The following WSCD2 variants were observed in gnomAD, a reference collection of about 807,000 sequenced individuals.
WSCD2 encodes the protein WSC domain sialate O sulfotransferase 2.
Under a neutral mutation model 55.7 loss-of-function variants are expected in WSCD2, and 28 were observed. The ratio of observed to expected loss-of-function variants is 0.50; its 90% CI spans 0.37 to 0.69. WSCD2 has a LOEUF of 0.69. Among genes scored for constraint, WSCD2 ranks in the 30% least tolerant of loss-of-function variants. The pLI is 0.00. For missense variants in WSCD2, 616 were observed against 762.1 expected (o/e 0.81, Z 2.26); for synonymous variants, 301 against 301.9 (o/e 1.00, Z 0.03).
chr12:108,227,229 T>C (rs1035460540), intron 6 of WSCD2, 65 bp downstream of exon 6: 132 of 1,541,184 alleles, frequency 8.6e-5, no homozygotes, highest in East Asian at 1.1e-4. Context: ...CCAGACGTGT[T>C]CCTGCCAGTC....
intron 1 of WSCD2, among the ~76,000 whole-genome samples, chr12:108,144,784 C>A (rs1473283350): frequency 6.6e-6 from 1 of 152,162 alleles, no homozygotes; most frequent in African/African-American, 2.4e-5. Context: ...AGGCCCTTTC[C>A]CAGCACAGCC....
In WSCD2 at chr12:108,203,623, C is replaced by T. The variant is rs116279674; in HGVS notation, c.383-2666C>T. On this transcript the variant is annotated intron_variant, in intron 2 of 8. Coordinates refer to ENST00000547525, the MANE Select transcript of WSCD2 (RefSeq NM_014653.4). Reference sequence around the variant, plus strand: ...AAGGCACAAACAGTCCACTACAGTCCACCCCTTCACTCCATGATGGACACG... The same window carrying T: ...AAGGCACAAACAGTCCACTACAGTCTACCCCTTCACTCCATGATGGACACG... 8.0e-3 allele frequency among the ~76,000 whole-genome samples: 1,214 copies of T among 152,298 alleles called. 15 individuals carry two copies. Among genetic ancestry groups the T allele is most frequent in the African/African-American group, 0.028 (1,173 of 41,560 alleles).
At chr12:108,133,635 G>A (rs892983875) in intron 1 of WSCD2, among the ~76,000 whole-genome samples, 2 of 152,180 alleles carry the variant, frequency 1.3e-5, no homozygotes, top group African/African-American at 4.8e-5. Context: ...TGCACCTTCC[G>A]AGTGTTGATT....
intron 4 of WSCD2, among the ~76,000 whole-genome samples, chr12:108,213,774 C>T (rs1565972774): frequency 6.6e-6 from 1 of 152,202 alleles, no homozygotes; most frequent in Non-Finnish European, 1.5e-5. Context: ...TGACCATGGG[C>T]TTGAACCCAG....
At chr12:108,232,377 A>G (rs1343899791) in intron 6 of WSCD2, among the ~76,000 whole-genome samples, 1 of 152,134 alleles carries the variant, frequency 6.6e-6, no homozygotes, top group African/African-American at 2.4e-5. Context: ...AGGAAAGGGT[A>G]GGGGTGAATG....
intron 8 of WSCD2, among the ~76,000 whole-genome samples, chr12:108,242,904 C>T (rs1265350643): frequency 6.6e-6 from 1 of 152,230 alleles, no homozygotes; most frequent in Non-Finnish European, 1.5e-5. Flanking sequence ...ATCCACCACA[C>T]TCATCTCATA....
chr12:108,156,414 A>G (rs970196712), intron 1 of WSCD2, among the ~76,000 whole-genome samples: 1 of 152,188 alleles, frequency 6.6e-6, no homozygotes, highest in Non-Finnish European at 1.5e-5. Flanking sequence ...AAGAATATCC[A>G]TGTACTGGCT....
intron 2 of WSCD2, 55 bp downstream of exon 2, chr12:108,196,269 T>C: frequency 2.0e-6 from 3 of 1,516,882 alleles, no homozygotes; most frequent in Non-Finnish European, 2.6e-6. Context: ...GAGGAGATAC[T>C]AACAATGTAA....
chr12:108,145,528 C>A (rs1320083475), intron 1 of WSCD2, among the ~76,000 whole-genome samples: 3 of 152,208 alleles, frequency 2.0e-5, no homozygotes, highest in Non-Finnish European at 4.4e-5. Flanking sequence ...TTAGGACCCT[C>A]ATGCGCTGCT....
chr12:108,163,660 C>T (rs1281536564), intron 1 of WSCD2, among the ~76,000 whole-genome samples: 1 of 151,972 alleles, frequency 6.6e-6, no homozygotes, highest in Non-Finnish European at 1.5e-5. Flanking sequence ...GCAGGAGATG[C>T]GATGATAGAA....
chr12:108,221,470 C>T (rs1388189080), intron 4 of WSCD2, among the ~76,000 whole-genome samples: 3 of 152,166 alleles, frequency 2.0e-5, no homozygotes, highest in African/African-American at 7.2e-5. Context: ...GCAGGAAAAT[C>T]ACTTGAACCC....
intron 3 of WSCD2, among the ~76,000 whole-genome samples, chr12:108,207,380 A>C (rs1403939464): frequency 6.6e-6 from 1 of 150,646 alleles, no homozygotes; most frequent in Admixed American, 6.6e-5. Flanking sequence ...TTTATTTTTT[A>C]TTTTTTTGAG....
At chr12:108,226,513 G>A (rs1348592825) in intron 5 of WSCD2, among the ~76,000 whole-genome samples, 1 of 152,166 alleles carries the variant, frequency 6.6e-6, no homozygotes, top group African/African-American at 2.4e-5. Context: ...GTCTTTCCAG[G>A]AGAAAGCTTC....
At chr12:108,236,338 C>T (rs895257311) in intron 7 of WSCD2, among the ~76,000 whole-genome samples, 2 of 152,164 alleles carry the variant, frequency 1.3e-5, no homozygotes. Flanking sequence ...TTTCTGCAAC[C>T]TGCTCTTCCC....
intron 3 of WSCD2, among the ~76,000 whole-genome samples, chr12:108,206,969 T>C (rs1182232906): frequency 1.3e-5 from 2 of 152,258 alleles, no homozygotes; most frequent in Non-Finnish European, 2.9e-5. Flanking sequence ...AGGTATCTAA[T>C]AGTTTCTCAA....
intron 1 of WSCD2, among the ~76,000 whole-genome samples, chr12:108,138,375 G>A (rs531255232): frequency 2.0e-5 from 3 of 152,134 alleles, no homozygotes; most frequent in Non-Finnish European, 4.4e-5. Flanking sequence ...TAGGAGTGAG[G>A]GCTAAGAACT....
In WSCD2 at chr12:108,153,461, C is replaced by T. The variant is rs762329236; in HGVS notation, c.-552+23535C>T. On this transcript the variant is annotated intron_variant, in intron 1 of 8. Transcript: ENST00000547525. ...AGAGTGATGGCACTTGTCTGTGCTG[C>T]GTCTGCATTTTCTGCAGTATCAGTG... 1.2e-4 allele frequency among the ~76,000 whole-genome samples: 18 copies of T among 151,938 alleles called. 1 individual carries two copies. Among genetic ancestry groups the T allele is most frequent in the Admixed American group, 2.0e-4 (3 of 15,278 alleles).
intron 2 of WSCD2, 76 bp from the exon 3 acceptor site, chr12:108,206,213 C>T (rs1274782797): frequency 2.5e-6 from 3 of 1,201,702 alleles, no homozygotes; most frequent in Non-Finnish European, 3.7e-6. Flanking sequence ...TAACCAGAGA[C>T]ACATTGGTGA....
Position 108,248,477 on chromosome 12 carries a change from C to A in WSCD2, c.*134C>A. The A allele has an allele frequency of 2.1e-6, 3 of 1,436,276 alleles. No individual in the cohort carries two copies. In the South Asian group the frequency reaches 4.5e-5, roughly 22 times the overall value. 89.0% of individuals were successfully genotyped at this position (1,436,276 alleles called of 1,614,324 possible). A position where few individuals can be genotyped will look rare whatever the true frequency, so the allele number is the denominator to read the frequency against. On this transcript the variant is annotated 3_prime_UTR_variant, in exon 9 of 9. Coordinates refer to ENST00000547525, the MANE Select transcript of WSCD2 (RefSeq NM_014653.4). This position sits in a 1 kb window ranked among gnomAD's most constrained non-coding sequence, Gnocchi z 4.3. ...AATCCCCTTGGCTGCTCTTTGCCTT[C>A]AATGAGTTTCCTGCATGACAGAGGA... is the stretch of plus-strand genomic sequence containing the variant.
Sources: gnomAD v4.1 joint callset for allele counts (sites outside exome capture counted in the v4.1 genomes callset) on GRCh38, gnomAD v4.1.1 for gene constraint, Gnocchi (gnomAD v3.1) non-coding constraint, MANE v1.5 for transcripts, NCBI Gene and HGNC (gene_info 2026-07-23, HGNC 2026-07-21) for gene names.